The following WNK1 variants were observed in gnomAD, a reference collection of about 807,000 sequenced individuals.
WNK1 encodes WNK lysine deficient protein kinase 1.
WNK1 carries 38 observed loss-of-function variants against 222.8 expected under a neutral mutation model. That is an observed-to-expected ratio of 0.17 (90% confidence interval 0.13 to 0.22). The LOEUF is 0.22. WNK1 is among the 10% of genes least tolerant of loss of function. The probability of loss-of-function intolerance (pLI) is 1.00; values close to 1 mark genes in which losing one functional copy is unlikely to be tolerated. For missense variants in WNK1, 2,348 were observed against 2,918.4 expected (o/e 0.80, Z 4.50); for synonymous variants, 1,090 against 1,092.9 (o/e 1.00, Z 0.05).
At chr12:810,408 G>T (rs896116444) in intron 1 of WNK1, among the ~76,000 whole-genome samples, 1 of 152,102 alleles carries the variant, frequency 6.6e-6, no homozygotes, top group African/African-American at 2.4e-5. Context: ...ATCATGTGTG[G>T]TCTTAATTTA....
intron 2 of WNK1, among the ~76,000 whole-genome samples, chr12:814,145 G>A (rs10774465): frequency 0.49 from 73,142 of 149,926 alleles, 18,438 homozygotes; most frequent in East Asian, 0.81. Context: ...CCTGGCCAAC[G>A]TGGTGAAACC....
intron 2 of WNK1, among the ~76,000 whole-genome samples, chr12:816,056 A>G (rs1947313691): frequency 6.6e-6 from 1 of 152,242 alleles, no homozygotes; most frequent in Non-Finnish European, 1.5e-5. Context: ...AAGGACAGAA[A>G]GCCTTAGAAC....
intron 4 of WNK1, among the ~76,000 whole-genome samples, chr12:842,923 T>TTTTATTTA (rs552343199): frequency 5.7e-4 from 86 of 151,856 alleles, no homozygotes; most frequent in African/African-American, 9.9e-4. Context: ...ACTCAAGTGA[T>TTTTATTTA]TTTATTTATT....
intron 4 of WNK1, among the ~76,000 whole-genome samples, chr12:834,040 T>C (rs1949003425): frequency 6.6e-6 from 1 of 152,156 alleles, no homozygotes; most frequent in Non-Finnish European, 1.5e-5. Context: ...TGCTATGGAT[T>C]AGGGAAGATT....
At chr12:836,250 T>C (rs1200510906) in intron 4 of WNK1, among the ~76,000 whole-genome samples, 2 of 152,190 alleles carry the variant, frequency 1.3e-5, no homozygotes, top group African/African-American at 2.4e-5. Context: ...TGAGTGATAC[T>C]GCTAAACAGT....
chr12:821,963 TTTTC>T (rs1417695723), intron 2 of WNK1, among the ~76,000 whole-genome samples: 3 of 152,056 alleles, frequency 2.0e-5, no homozygotes, highest in African/African-American at 7.2e-5. Context: ...AGTTGGCTTT[TTTTC>T]TTTCTTTTTA....
At chr12:804,237 T>A (rs1946141521) in intron 1 of WNK1, among the ~76,000 whole-genome samples, 1 of 152,216 alleles carries the variant, frequency 6.6e-6, no homozygotes, top group Non-Finnish European at 1.5e-5. Context: ...GGGCAAGGTT[T>A]GTCAAAATCA....
In WNK1 at chr12:885,872, C is replaced by G. The variant is rs771546256; in HGVS notation, c.5068C>G (p.Pro1690Ala). ...ACTAGTCATAGAGAGCACTGTCACA[C>G]CAGGCATCCCAACTACTGCTGTTGC... Reference protein sequence around the residue: ...TSLVIESTVTPGIPTTAVAPS... With the variant: ...TSLVIESTVTAGIPTTAVAPS... The change falls in exon 19 of 28, where the codon CCA becomes GCA. Residue 1690 changes from proline to alanine, a missense_variant. This residue lies in a region of WNK1 where 1,144 missense variants were observed against 1,273.6 expected (regional missense o/e 0.90). Coordinates refer to ENST00000315939, the MANE Select transcript of WNK1 (RefSeq NM_018979.4). 70 of 1,613,212 alleles carry G rather than the reference C, an allele frequency of 4.3e-5. No individual in the cohort carries two copies. The South Asian group carries it at 6.4e-4, about 15-fold the overall frequency.
intron 1 of WNK1, among the ~76,000 whole-genome samples, chr12:763,369 A>G (rs1941280368): frequency 6.8e-6 from 1 of 146,734 alleles, no homozygotes. Flanking sequence ...GGATAACCTG[A>G]GGTCAGAAGT....
chr12:779,691 C>T (rs994212607), intron 1 of WNK1, among the ~76,000 whole-genome samples: 4 of 152,106 alleles, frequency 2.6e-5, no homozygotes, highest in Admixed American at 6.5e-5. Flanking sequence ...CGTGAGCCAC[C>T]GCGCCTGGCT....
At chr12:860,911 A>C in intron 6 of WNK1, 102 bp from the exon 7 acceptor site, 1 of 997,804 alleles carries the variant, frequency 1.0e-6, no homozygotes, top group Non-Finnish European at 1.4e-6. Context: ...CCTCTTCTCT[A>C]CTTTTTTTAC....
Position 752,920 on chromosome 12 carries a change from G to A in WNK1, c.-646G>A, listed in dbSNP as rs866699199. On this transcript the variant is annotated 5_prime_UTR_variant, in exon 1 of 28. Transcript: ENST00000315939. Reference sequence around the variant, plus strand: ...GCTCCTCAGGCGCCGAGGCTCCGAGGCTCCGGCCCTTCGCCTCTGGGCGAT... The same window carrying A: ...GCTCCTCAGGCGCCGAGGCTCCGAGACTCCGGCCCTTCGCCTCTGGGCGAT... 6.6e-6 allele frequency: 1 copy of A among 152,290 alleles called. No homozygotes were observed. The highest frequency in any genetic ancestry group is 2.1e-4 in the South Asian group (1 of 4,830). The allele number at this position is 152,290 out of a possible 1,614,324, so 9.4% of individuals were successfully genotyped here.
intron 26 of WNK1, chr12:904,412 TTCTTTA>T (rs1349545763): frequency 1.4e-5 from 18 of 1,285,430 alleles, no homozygotes; most frequent in Non-Finnish European, 1.4e-5. Context: ...ACACTGATGT[TTCTTTA>T]TCTTTAACAC....
intron 20 of WNK1, 83 bp from the exon 21 acceptor site, chr12:889,057 C>T (rs1953949899): frequency 2.0e-6 from 2 of 1,012,138 alleles, no homozygotes; most frequent in Non-Finnish European, 3.2e-6. Context: ...AAGCATAAAA[C>T]AGTGTGTCCT....
At position 908,861 on chromosome 12, in the gene WNK1, G is replaced by GGGGGGGGGGGGGGGGGGGCA; in HGVS notation, c.*69_*70insGGGGGGGGGGGGGGGGGGCA. ...ATGCTGAGGGGGTGGGTGGGGGTGG[G>GGGGGGGGGGGGGGGGGGGCA]AAGTAGCCTATATACTAACTACTAG... On this transcript the variant is annotated 3_prime_UTR_variant, in exon 28 of 28. Coordinates refer to ENST00000315939, the MANE Select transcript of WNK1 (RefSeq NM_018979.4). The GGGGGGGGGGGGGGGGGGGCA allele has an allele frequency of 4.1e-6, 2 of 491,846 alleles. No homozygotes were observed. Among genetic ancestry groups the GGGGGGGGGGGGGGGGGGGCA allele is most frequent in the East Asian group, 6.0e-5 (1 of 16,748 alleles). The allele number at this position is 491,846 out of a possible 1,614,324, so 30.5% of individuals were successfully genotyped here. A position where few individuals can be genotyped will look rare whatever the true frequency, so the allele number is the denominator to read the frequency against.
In WNK1 at chr12:757,326, TTTTTTTTAA is replaced by T. The variant is rs1312759769; in HGVS notation, c.759+3003_759+3011del. ...CATCAATTCTTTTTTTTTTTTTTTT[TTTTTTTTAA>T]AAAAAAAAAGAGACGGAGTCTTGCT... is the stretch of plus-strand genomic sequence containing the variant. On this transcript the variant is annotated intron_variant, in intron 1 of 27. Transcript: ENST00000315939. Among the ~76,000 whole-genome samples, 35 of 104,224 alleles carry T rather than the reference TTTTTTTTAA, an allele frequency of 3.4e-4. No homozygotes were observed. In the East Asian group the frequency reaches 0.011, roughly 32 times the overall value. The allele number at this position is 104,224 out of a possible 152,430, so 68.4% of individuals were successfully genotyped here.
At chr12:791,177 G>A (rs1008771873) in intron 1 of WNK1, among the ~76,000 whole-genome samples, 3 of 151,168 alleles carry the variant, frequency 2.0e-5, no homozygotes, top group African/African-American at 7.3e-5. Context: ...AACATACTTA[G>A]AATAGAAATC....
rs1355419144 is a variant in WNK1 at position 859,242 on chromosome 12, A to G, written c.1401-3A>G. ...TTCCTTTTCTTTTCCCTCTGTTTGG[A>G]AGATATTCCATCAAAGACCTTTTGA... On this transcript the variant is annotated splice_polypyrimidine_tract_variant and splice_region_variant and intron_variant, in intron 5 of 27. Transcript: ENST00000315939. 3 of 1,609,318 alleles carry G rather than the reference A, an allele frequency of 1.9e-6. No homozygotes were observed. The East Asian group carries it at 6.7e-5, about 36-fold the overall frequency.
intron 8 of WNK1, 146 bp from the exon 9 acceptor site, chr12:871,119 A>C: frequency 1.3e-6 from 1 of 750,144 alleles, no homozygotes; most frequent in Non-Finnish European, 2.3e-6. Flanking sequence ...AAGTTGACCC[A>C]GAGGCCTCTC....
Sources: allele counts gnomAD v4.1 joint callset (sites outside exome capture counted in the v4.1 genomes callset), GRCh38; gene constraint gnomAD v4.1.1; regional missense constraint gnomAD v4.1.1; transcripts MANE v1.5; gene names NCBI Gene and HGNC (gene_info 2026-07-23, HGNC 2026-07-21).